Variants in CELF3 observed in about 807,000 individuals in gnomAD.
The protein encoded by CELF3 is CUGBP Elav-like family member 3.
In CELF3, 26 loss-of-function variants were observed where a neutral mutation model predicts 59.6. The ratio of observed to expected loss-of-function variants is 0.44; its 90% CI spans 0.32 to 0.61. The LOEUF (loss-of-function observed/expected upper bound fraction) is 0.61. Among genes scored for constraint, CELF3 ranks in the 20% least tolerant of loss-of-function variants. The pLI is 0.06. For synonymous variants in CELF3, 245 were observed against 250.7 expected, an observed-to-expected ratio of 0.98 and a Z score of 0.22; for missense variants, 387 against 627.2, an observed-to-expected ratio of 0.62 and a Z score of 4.09.
Position 151,705,832 on chromosome 1 carries a change from G to A in CELF3, c.1260C>T (p.Ser420=). 6.2e-7 allele frequency: 1 copy of A among 1,614,106 alleles called. No homozygotes were observed. The highest frequency in any genetic ancestry group is 8.5e-7 in the Non-Finnish European group (1 of 1,180,010). Residue 420 remains serine, a synonymous_variant, in exon 11 of 13, where the codon AGC becomes AGT. Transcript: ENST00000290583. The surrounding 1 kb of genome is among the most constrained non-coding windows in gnomAD (Gnocchi z 5.1). ...KVFVDRATNQ[S]KCFGFVSFDN... ...ATATCATATTCTTACCAAAACATTT[G>A]CTTTGATTGGTGGCTCGGTCAACAA...
In CELF3 at chr1:151,709,589, C is replaced by G; in HGVS notation, c.277+154G>C. 1.1e-6 allele frequency: 1 copy of G among 948,206 alleles called. No individual in the cohort carries two copies. Among genetic ancestry groups the G allele is most frequent in the South Asian group, 1.4e-5 (1 of 70,764 alleles). 58.7% of individuals were successfully genotyped at this position (948,206 alleles called of 1,614,324 possible). ...CATCTGTACCCGCCCCAGATCTCAC[C>G]CGCTCTGGCCACACTGACTCCTATC... On this transcript the variant is annotated intron_variant, in intron 3 of 12. Coordinates refer to ENST00000290583, the MANE Select transcript of CELF3 (RefSeq NM_007185.7). The surrounding 1 kb of genome is among the most constrained non-coding windows in gnomAD (Gnocchi z 4.9).
rs907630101 is a variant in CELF3, at chr1:151,706,246, T to C, written c.1104A>G (p.Gln368=). The C allele has an allele frequency of 1.6e-5, 26 of 1,597,490 alleles. No homozygotes were observed. The highest frequency in any genetic ancestry group is 1.8e-4 in the Middle Eastern group (1 of 5,524). ...CACCTTCTCTTTGCTGCTGCTGCTG[T>C]TGCTGCTGCTGCTGCTGCTGCTGCT... ...PQQQQQQQQQ[Q]QQQQQREGPD... Residue 368 remains glutamine (Q), a synonymous_variant, in exon 10 of 13, where the codon CAA becomes CAG. Transcript: ENST00000290583.
intron 2 of CELF3, among the ~76,000 whole-genome samples, chr1:151,712,881 C>T (rs1230843473): frequency 1.3e-5 from 2 of 152,034 alleles, no homozygotes; most frequent in East Asian, 3.9e-4. Flanking sequence ...CAGGAGCTGA[C>T]ACACTGCACA....
At chr1:151,715,736 C>G (rs927825330) in intron 1 of CELF3, 140 bp downstream of exon 1, 1 of 1,587,824 alleles carries the variant, frequency 6.3e-7, no homozygotes, top group East Asian at 2.3e-5. Context: ...TTTTTCAGCT[C>G]CTCCATCCAC....
Position 151,714,625 on chromosome 1 carries a change from C to T in CELF3, c.197G>A (p.Ser66Asn), listed in dbSNP as rs1384520442. ...CARDSALKAQ[S>N]ALHEQKTLPG... ...AAGCGTCTTCTGTTCGTGCAGGGCGCTCTGGGCCTTCAGGGCTGAATCCCG... is the reference window on the plus strand; with the variant it reads ...AAGCGTCTTCTGTTCGTGCAGGGCGTTCTGGGCCTTCAGGGCTGAATCCCG... Residue 66 changes from serine (S) to asparagine (N), a missense_variant, in exon 2 of 13, where the codon AGC (serine) becomes AAC (asparagine). Transcript: ENST00000290583. 2 of 1,560,308 alleles carry T rather than the reference C, an allele frequency of 1.3e-6. No individual in the cohort carries two copies. The highest frequency in any genetic ancestry group is 1.7e-6 in the Non-Finnish European group (2 of 1,151,814).
chr1:151,710,590 A>G, intron 2 of CELF3: 1 of 456,048 alleles, frequency 2.2e-6, no homozygotes, highest in Non-Finnish European at 4.4e-6. Context: ...CAGGCCCTGC[A>G]GGGGCCATCC....
chr1:151,711,097 T>A, intron 2 of CELF3: 1 of 333,948 alleles, frequency 3.0e-6, no homozygotes, highest in Non-Finnish European at 5.9e-6. Context: ...AGACCTGGAT[T>A]TGAGGACTAG....
At chr1:151,703,617 C>G (rs903074320) in intron 12 of CELF3, among the ~76,000 whole-genome samples, 169 bp from the exon 13 acceptor site, 1 of 151,880 alleles carries the variant, frequency 6.6e-6, no homozygotes, top group South Asian at 2.1e-4. Flanking sequence ...GCCCCCACCC[C>G]CAGCCATGAG....
Position 151,705,140 on chromosome 1 carries a change from A to G in CELF3, c.1299T>C (p.Ser433=), listed in dbSNP as rs1299381415. 3.1e-6 allele frequency: 5 copies of G among 1,613,692 alleles called. No homozygotes were observed. The East Asian group carries it at 1.1e-4, about 36-fold the overall frequency. Residue 433 remains serine, a synonymous_variant, in exon 12 of 13, where the codon AGT becomes AGC. Transcript: ENST00000290583. This position sits in a 1 kb window ranked among gnomAD's most constrained non-coding sequence, Gnocchi z 5.1. ...FGFVSFDNPA[S]AQAAIQAMNG... is the part of the protein sequence containing the mutation. ...TCATGGCCTGGATGGCAGCCTGGGC[A>G]CTGGCCGGATTGTCGAAACTCACAA...
intron 5 of CELF3, 180 bp from the exon 6 acceptor site, chr1:151,708,115 A>G: frequency 1.6e-6 from 1 of 634,846 alleles, no homozygotes; most frequent in Non-Finnish European, 2.6e-6. Context: ...CTATGCTAGG[A>G]TGTGCAAGAG....
chr1:151,702,950 C>T lies in CELF3; in HGVS notation c.*509G>A. 3.1e-6 allele frequency: 1 copy of T among 323,206 alleles called. No individual in the cohort carries two copies. Among genetic ancestry groups the T allele is most frequent in the Non-Finnish European group, 6.2e-6 (1 of 161,100 alleles). 20.0% of individuals were successfully genotyped at this position (323,206 alleles called of 1,614,324 possible). A position where few individuals can be genotyped will look rare whatever the true frequency, so the allele number is the denominator to read the frequency against. On this transcript the variant is annotated 3_prime_UTR_variant, in exon 13 of 13. Coordinates refer to ENST00000290583, the MANE Select transcript of CELF3 (RefSeq NM_007185.7). ...GCAGTGAGTTTTAGGGCTGGGAGCC[C>T]AGGAATCAGGGATATCCTACCTCTA...
chr1:151,715,138 G>T (rs1383665044), intron 1 of CELF3, among the ~76,000 whole-genome samples: 2 of 152,028 alleles, frequency 1.3e-5, no homozygotes, highest in African/African-American at 4.8e-5. Flanking sequence ...ATAGAGAAGG[G>T]AAGGGAAGAA....
intron 1 of CELF3, among the ~76,000 whole-genome samples, 186 bp from the exon 2 acceptor site, chr1:151,714,862 A>C (rs1274140907): frequency 6.6e-6 from 1 of 152,054 alleles, no homozygotes; most frequent in Admixed American, 6.5e-5. Context: ...AGACACCTGG[A>C]GGCCTAAATA....
At chr1:151,712,214 A>G (rs1673083022) in intron 2 of CELF3, among the ~76,000 whole-genome samples, 2 of 152,148 alleles carry the variant, frequency 1.3e-5, no homozygotes, top group African/African-American at 4.8e-5. Context: ...ACCAGGTGAC[A>G]AGCCCTCCCT....
At position 151,702,913 on chromosome 1, in the gene CELF3, C is replaced by T; in HGVS notation, c.*546G>A. 3.3e-6 allele frequency: 1 copy of T among 307,140 alleles called. No individual in the cohort carries two copies. The highest frequency in any genetic ancestry group is 2.9e-5 in the South Asian group (1 of 34,512). 19.0% of individuals were successfully genotyped at this position (307,140 alleles called of 1,614,324 possible). On this transcript the variant is annotated 3_prime_UTR_variant, in exon 13 of 13. Transcript: ENST00000290583. Reference sequence around the variant, plus strand: ...TCCCCCACACCCTCCTTAGAGGGGGCCCTTGGGGGAGGCAGTGAGTTTTAG... The same window carrying T: ...TCCCCCACACCCTCCTTAGAGGGGGTCCTTGGGGGAGGCAGTGAGTTTTAG...
At position 151,703,800 on chromosome 1, in the gene CELF3, C is replaced by T. The variant is rs73001911; in HGVS notation, c.*11-352G>A. 2.8e-3 allele frequency among the ~76,000 whole-genome samples: 420 copies of T among 151,988 alleles called. 6 individuals carry two copies. The highest frequency in any genetic ancestry group is 9.6e-3 in the African/African-American group (399 of 41,430). ...CGAGAGAGAGACAGAGAAGGGGGTG[C>T]GTGTAAGAGACAGACACCTGGAAAA... On this transcript the variant is annotated intron_variant, in intron 12 of 12. Coordinates refer to ENST00000290583, the MANE Select transcript of CELF3 (RefSeq NM_007185.7).
In CELF3 at chr1:151,716,752, C is replaced by G. The variant is rs1426532178; in HGVS notation, c.-732G>C. ...CGCTGGGGCTGCCTGCTTTCCCGGTCACCTGGGTCCCGGAGCTCTGCTCTC... is the reference window on the plus strand; with the variant it reads ...CGCTGGGGCTGCCTGCTTTCCCGGTGACCTGGGTCCCGGAGCTCTGCTCTC... On this transcript the variant is annotated 5_prime_UTR_variant, in exon 1 of 13. Coordinates refer to ENST00000290583, the MANE Select transcript of CELF3 (RefSeq NM_007185.7). 2.2e-6 allele frequency: 1 copy of G among 460,188 alleles called. No individual in the cohort carries two copies. Among genetic ancestry groups the G allele is most frequent in the Non-Finnish European group, 4.5e-6 (1 of 224,274 alleles). 28.5% of individuals were successfully genotyped at this position (460,188 alleles called of 1,614,324 possible).
chr1:151,708,426 A>C, intron 5 of CELF3: 1 of 175,050 alleles, frequency 5.7e-6, no homozygotes, highest in South Asian at 1.5e-4. Context: ...GAATCCTAGA[A>C]TCTCAAAGCT....
At chr1:151,712,537 G>A (rs1378741837) in intron 2 of CELF3, among the ~76,000 whole-genome samples, 1 of 152,204 alleles carries the variant, frequency 6.6e-6, no homozygotes, top group Non-Finnish European at 1.5e-5. Context: ...GGTTCAGGGT[G>A]AAGGGGGAAG....
Sources: gnomAD v4.1 joint callset for allele counts (sites outside exome capture counted in the v4.1 genomes callset) on GRCh38, gnomAD v4.1.1 for gene constraint, Gnocchi (gnomAD v3.1) non-coding constraint, MANE v1.5 for transcripts, NCBI Gene and HGNC (gene_info 2026-07-23, HGNC 2026-07-21) for gene names.